The following GALNT18 variants were observed in gnomAD, a reference collection of about 807,000 sequenced individuals.
GALNT18 encodes the protein GalNAc-transferase 18.
GALNT18 carries 44 observed loss-of-function variants against 69.5 expected under a neutral mutation model. The ratio of observed to expected loss-of-function variants is 0.63; its 90% CI spans 0.50 to 0.81. The LOEUF (loss-of-function observed/expected upper bound fraction) is 0.81, where lower values mean the gene tolerates loss of function less well. Among genes scored for constraint, GALNT18 ranks in the 40% least tolerant of loss-of-function variants. GALNT18 has a pLI of 0.00. For synonymous variants in GALNT18, 364 were observed against 318.2 expected, an observed-to-expected ratio of 1.14 and a Z score of -1.53; for missense variants, 715 against 810.0, an observed-to-expected ratio of 0.88 and a Z score of 1.42.
intron 1 of GALNT18, among the ~76,000 whole-genome samples, chr11:11,535,792 C>T (rs112503203): frequency 6.6e-6 from 1 of 152,204 alleles, no homozygotes; most frequent in African/African-American, 2.4e-5. Context: ...GCCAGGCTCC[C>T]ACCTTCCTCC....
At position 11,461,106 on chromosome 11, in the gene GALNT18, G is replaced by A. The variant is rs1315919008; in HGVS notation, c.236-12170C>T. Among the ~76,000 whole-genome samples, 1 of 152,168 alleles carries A rather than the reference G, an allele frequency of 6.6e-6. No homozygotes were observed. Among genetic ancestry groups the A allele is most frequent in the Non-Finnish European group, 1.5e-5 (1 of 68,036 alleles). The stretch of plus-strand genomic sequence containing the variant: ...TGACATGGCAGACAAAGGACAGGAA[G>A]ACATCTGACTCTGCAAGCTTAGTCC... On this transcript the variant is annotated intron_variant, in intron 1 of 10. Transcript: ENST00000227756. The surrounding 1 kb of genome is among the most constrained non-coding windows in gnomAD (Gnocchi z 4.1).
chr11:11,380,136 C>T (rs1853874543), intron 3 of GALNT18, among the ~76,000 whole-genome samples: 2 of 152,226 alleles, frequency 1.3e-5, no homozygotes, highest in South Asian at 4.1e-4. Flanking sequence ...AAGGGAAATC[C>T]ATGCAATCCA....
chr11:11,580,570 C>A (rs34366100), intron 1 of GALNT18, among the ~76,000 whole-genome samples: 1,537 of 152,346 alleles, frequency 0.01, 21 homozygotes, highest in Non-Finnish European at 0.012. Context: ...ATTAATGAGA[C>A]CTCCGCACAG....
chr11:11,537,612 C>T (rs188430260), intron 1 of GALNT18, among the ~76,000 whole-genome samples: 81 of 152,290 alleles, frequency 5.3e-4, no homozygotes, highest in African/African-American at 1.9e-3. Flanking sequence ...CATCCCTAAG[C>T]TGACTGGGTC....
Position 11,619,505 on chromosome 11 carries a change from G to A in GALNT18, c.235+1854C>T, listed in dbSNP as rs966702280. Among the ~76,000 whole-genome samples, 1 of 152,042 alleles carries A rather than the reference G, an allele frequency of 6.6e-6. No homozygotes were observed. Among genetic ancestry groups the A allele is most frequent in the Non-Finnish European group, 1.5e-5 (1 of 68,016 alleles). Reference sequence around the variant, plus strand: ...CACCCACTCCGTTACAGGCTCAGGGGTTAATGGCATCCCCTGAAAGCATCC... The same window carrying A: ...CACCCACTCCGTTACAGGCTCAGGGATTAATGGCATCCCCTGAAAGCATCC... On this transcript the variant is annotated intron_variant, in intron 1 of 10. Coordinates refer to ENST00000227756, the MANE Select transcript of GALNT18 (RefSeq NM_198516.3). This position sits in a 1 kb window ranked among gnomAD's most constrained non-coding sequence, Gnocchi z 4.9.
Position 11,595,023 on chromosome 11 carries a change from C to T in GALNT18, c.235+26336G>A, listed in dbSNP as rs1193002295. 1.3e-5 allele frequency among the ~76,000 whole-genome samples: 2 copies of T among 149,280 alleles called. No individual in the cohort carries two copies. The highest frequency in any genetic ancestry group is 2.1e-4 in the South Asian group (1 of 4,710). On this transcript the variant is annotated intron_variant, in intron 1 of 10. Transcript: ENST00000227756. This position sits in a 1 kb window ranked among gnomAD's most constrained non-coding sequence, Gnocchi z 5.2. ...TGTATATATATCTATATAAAATCTC[C>T]AAGAATGAATATATACATATATATT... is the stretch of plus-strand genomic sequence containing the variant.
At chr11:11,462,428 C>T (rs1856065992) in intron 1 of GALNT18, among the ~76,000 whole-genome samples, 1 of 152,060 alleles carries the variant, frequency 6.6e-6, no homozygotes, top group Non-Finnish European at 1.5e-5. Flanking sequence ...AGGCTCCTGC[C>T]ACCACACCCG....
rs924102216 is a variant in GALNT18 at position 11,541,851 on chromosome 11, G to C, written c.235+79508C>G. Among the ~76,000 whole-genome samples the C allele has an allele frequency of 1.3e-5, 2 of 152,222 alleles. No homozygotes were observed. Among genetic ancestry groups the C allele is most frequent in the African/African-American group, 4.8e-5 (2 of 41,454 alleles). On this transcript the variant is annotated intron_variant, in intron 1 of 10. Transcript: ENST00000227756. This position sits in a 1 kb window ranked among gnomAD's most constrained non-coding sequence, Gnocchi z 4.8. ...AGAAGCCTCTCCCGAAGAGTGAGCAGGTTGCTTTCCCTCAGCCTGGCCACC... is the reference window on the plus strand; with the variant it reads ...AGAAGCCTCTCCCGAAGAGTGAGCACGTTGCTTTCCCTCAGCCTGGCCACC...
At chr11:11,599,330 T>G (rs1859578571) in intron 1 of GALNT18, among the ~76,000 whole-genome samples, 1 of 152,144 alleles carries the variant, frequency 6.6e-6, no homozygotes, top group Admixed American at 6.5e-5. Context: ...GGATTGATCC[T>G]TTTATCATTA....
chr11:11,545,964 C>A (rs1396849007), intron 1 of GALNT18, among the ~76,000 whole-genome samples: 1 of 152,178 alleles, frequency 6.6e-6, no homozygotes, highest in Non-Finnish European at 1.5e-5. Flanking sequence ...TCACAGCACA[C>A]CAGAAAAGAA....
At chr11:11,305,375 C>T (rs1008179493) in intron 9 of GALNT18, among the ~76,000 whole-genome samples, 2 of 152,182 alleles carry the variant, frequency 1.3e-5, no homozygotes, top group African/African-American at 4.8e-5. Flanking sequence ...ATAAGGAAGA[C>T]TGAACTGATG....
chr11:11,510,275 C>T (rs1231673160), intron 1 of GALNT18, among the ~76,000 whole-genome samples: 1 of 152,196 alleles, frequency 6.6e-6, no homozygotes, highest in Non-Finnish European at 1.5e-5. Flanking sequence ...TTGCCTGGCA[C>T]TAAAGTACAC....
intron 1 of GALNT18, among the ~76,000 whole-genome samples, chr11:11,460,362 G>A (rs1856013010): frequency 6.6e-6 from 1 of 152,164 alleles, no homozygotes; most frequent in African/African-American, 2.4e-5. Context: ...AATACCAATA[G>A]CTGACATTTG....
intron 1 of GALNT18, among the ~76,000 whole-genome samples, chr11:11,460,900 A>C (rs1040601058): frequency 1.3e-5 from 2 of 152,214 alleles, no homozygotes. Flanking sequence ...TAAACTACCC[A>C]GTCTCAAGTA....
intron 1 of GALNT18, among the ~76,000 whole-genome samples, chr11:11,531,429 T>C (rs756273143): frequency 6.6e-6 from 1 of 152,212 alleles, no homozygotes; most frequent in Non-Finnish European, 1.5e-5. Context: ...TGCTTGCGTG[T>C]ACATAAGTGT....
intron 9 of GALNT18, among the ~76,000 whole-genome samples, chr11:11,323,709 T>C (rs966129692): frequency 1.3e-5 from 2 of 152,230 alleles, no homozygotes; most frequent in Admixed American, 1.3e-4. Context: ...TGGTCCTATG[T>C]ACTCCAAGTC....
chr11:11,427,078 C>A (rs942842997), intron 3 of GALNT18, among the ~76,000 whole-genome samples: 2 of 152,288 alleles, frequency 1.3e-5, no homozygotes, highest in Admixed American at 1.3e-4. Flanking sequence ...CCACACACTG[C>A]CAAATGTCCA....
At position 11,387,869 on chromosome 11, in the gene GALNT18, G is replaced by A. The variant is rs1004133877; in HGVS notation, c.596-8605C>T. Among the ~76,000 whole-genome samples the A allele has an allele frequency of 7.2e-5, 11 of 152,220 alleles. No homozygotes were observed. Among genetic ancestry groups the A allele is most frequent in the African/African-American group, 1.4e-4 (6 of 41,456 alleles). Reference sequence around the variant, plus strand: ...GGAGAGCTCCGGGCAGCATTGCTGCGTGTATTCCTCTGTCTTGAAGATCAC... The same window carrying A: ...GGAGAGCTCCGGGCAGCATTGCTGCATGTATTCCTCTGTCTTGAAGATCAC... On this transcript the variant is annotated intron_variant, in intron 3 of 10. Coordinates refer to ENST00000227756, the MANE Select transcript of GALNT18 (RefSeq NM_198516.3). This position sits in a 1 kb window ranked among gnomAD's most constrained non-coding sequence, Gnocchi z 4.6.
At chr11:11,552,519 C>A (rs977804967) in intron 1 of GALNT18, among the ~76,000 whole-genome samples, 2 of 152,182 alleles carry the variant, frequency 1.3e-5, no homozygotes, top group Non-Finnish European at 2.9e-5. Context: ...ATATGGGCAG[C>A]ATAGTTTTCA....
Sources: allele counts gnomAD v4.1 joint callset (sites outside exome capture counted in the v4.1 genomes callset), GRCh38; gene constraint gnomAD v4.1.1; non-coding constraint Gnocchi (gnomAD v3.1); transcripts MANE v1.5; gene names NCBI Gene and HGNC (gene_info 2026-07-23, HGNC 2026-07-21).